Variants in ZNF654 observed in about 807,000 individuals in gnomAD.
The protein encoded by ZNF654 is melanoma-associated antigen.
A neutral mutation model predicts 95.3 loss-of-function variants in ZNF654; 19 were observed. That is an observed-to-expected ratio of 0.20 (90% confidence interval 0.14 to 0.29). The LOEUF is 0.29. Ranked by LOEUF, ZNF654 falls within the 10% of genes least tolerant of loss-of-function variation. The pLI is 1.00. For synonymous variants in ZNF654, 413 were observed against 457.9 expected (o/e 0.90, Z 1.25); for missense variants, 1,046 against 1,341.0 (o/e 0.78, Z 3.44).
At chr3:88,065,552 G>T (rs1156569082) in intron 1 of ZNF654, among the ~76,000 whole-genome samples, 1 of 152,040 alleles carries the variant, frequency 6.6e-6, no homozygotes, top group Non-Finnish European at 1.5e-5. Flanking sequence ...TAAATAAAAA[G>T]ACTGAAATAT....
rs1184835192 is a variant in ZNF654 at position 88,140,803 on chromosome 3, A to G, written c.3134A>G (p.Lys1045Arg). 1 of 1,613,626 alleles carries G rather than the reference A, an allele frequency of 6.2e-7. No homozygotes were observed. The highest frequency in any genetic ancestry group is 8.5e-7 in the Non-Finnish European group (1 of 1,179,728). The change falls in exon 8 of 9, where the codon AAA becomes AGA. Residue 1045 changes from lysine (K) to arginine (R), a missense_variant. By Grantham distance (26) the Lys-to-Arg change is conservative (BLOSUM62 2). Coordinates refer to ENST00000636215, the MANE Select transcript of ZNF654 (RefSeq NM_001350134.2). ...EHTSYGLILT[K>R]PYVRPLPPSY... ...ACTTCATATGGCTTAATTTTAACAA[A>G]ACCATACGTCAGACCATTGCCTCCC...
At chr3:88,071,488 C>CA (rs1707506678) in intron 1 of ZNF654, among the ~76,000 whole-genome samples, 1 of 152,142 alleles carries the variant, frequency 6.6e-6, no homozygotes, top group South Asian at 2.1e-4. Context: ...ACTAAAAATA[C>CA]AAAAAAATTT....
intron 3 of ZNF654, among the ~76,000 whole-genome samples, chr3:88,116,673 T>C (rs963431812): frequency 6.6e-6 from 1 of 151,980 alleles, no homozygotes; most frequent in Admixed American, 6.6e-5. Flanking sequence ...TTCTTCCCAC[T>C]GAGAGAATGA....
intron 6 of ZNF654, among the ~76,000 whole-genome samples, chr3:88,131,219 A>T (rs1706440194): frequency 6.6e-6 from 1 of 152,212 alleles, no homozygotes; most frequent in African/African-American, 2.4e-5. Context: ...AGACATATCT[A>T]AATATAGAAA....
chr3:88,059,268 A>C lies in ZNF654; in HGVS notation c.-52A>C. ...GAGGAGGAGGTTAGCCTAGGCATCT[A>C]CGGCGGCGGCGGCGGCGCAGGGGCT... On this transcript the variant is annotated 5_prime_UTR_variant, in exon 1 of 9. Coordinates refer to ENST00000636215, the MANE Select transcript of ZNF654 (RefSeq NM_001350134.2). The C allele has an allele frequency of 6.5e-7, 1 of 1,531,674 alleles. No individual in the cohort carries two copies. Among genetic ancestry groups the C allele is most frequent in the South Asian group, 1.2e-5 (1 of 83,764 alleles). 94.9% of individuals were successfully genotyped at this position (1,531,674 alleles called of 1,614,324 possible).
At chr3:88,098,516 G>A (rs1209829413) in intron 2 of ZNF654, among the ~76,000 whole-genome samples, 1 of 152,260 alleles carries the variant, frequency 6.6e-6, no homozygotes, top group Middle Eastern at 3.4e-3. Flanking sequence ...AAGCCTGGCA[G>A]AGACACAACA....
intron 3 of ZNF654, among the ~76,000 whole-genome samples, chr3:88,115,006 T>C (rs1029045612): frequency 1.3e-5 from 2 of 152,216 alleles, no homozygotes; most frequent in African/African-American, 4.8e-5. Context: ...CAGTGGTTCT[T>C]CTCCATACAT....
At chr3:88,077,493 C>T (rs1302345743) in intron 1 of ZNF654, among the ~76,000 whole-genome samples, 6 of 99,020 alleles carry the variant, frequency 6.1e-5, no homozygotes, top group Middle Eastern at 4.5e-3. Context: ...CCACCACGCC[C>T]GGCTAATTTT....
chr3:88,105,795 A>G (rs1327590481), intron 2 of ZNF654, among the ~76,000 whole-genome samples: 1 of 151,956 alleles, frequency 6.6e-6, no homozygotes, highest in Non-Finnish European at 1.5e-5. Context: ...TTTTTTTCAT[A>G]TCCTTTGGTA....
At chr3:88,094,417 G>C (rs181935859) in intron 2 of ZNF654, among the ~76,000 whole-genome samples, 2 of 152,160 alleles carry the variant, frequency 1.3e-5, no homozygotes, top group African/African-American at 4.8e-5. Context: ...ATTACTAATT[G>C]GTATATTTCT....
intron 2 of ZNF654, among the ~76,000 whole-genome samples, chr3:88,090,419 A>G (rs1383112090): frequency 6.6e-6 from 1 of 152,296 alleles, no homozygotes. Context: ...AAAAATGGAA[A>G]AAATTTAAAG....
At chr3:88,068,192 T>C (rs1307260169) in intron 1 of ZNF654, among the ~76,000 whole-genome samples, 4 of 151,972 alleles carry the variant, frequency 2.6e-5, no homozygotes, top group Non-Finnish European at 5.9e-5. Flanking sequence ...AGAGTGACCA[T>C]TAGTATGTAC....
At chr3:88,101,359 A>G (rs1310676537) in intron 2 of ZNF654, among the ~76,000 whole-genome samples, 7 of 152,170 alleles carry the variant, frequency 4.6e-5, no homozygotes, top group African/African-American at 1.7e-4. Flanking sequence ...CATTTCATAT[A>G]AATGATATCA....
At chr3:88,093,782 T>C (rs1276895324) in intron 2 of ZNF654, among the ~76,000 whole-genome samples, 1 of 152,230 alleles carries the variant, frequency 6.6e-6, no homozygotes, top group African/African-American at 2.4e-5. Flanking sequence ...AATTTAAGTC[T>C]AGGCTTTCAA....
chr3:88,100,165 G>T (rs1372582118), intron 2 of ZNF654, among the ~76,000 whole-genome samples: 1 of 152,072 alleles, frequency 6.6e-6, no homozygotes, highest in Non-Finnish European at 1.5e-5. Flanking sequence ...GTGGGTGCCG[G>T]ATATGAACAG....
chr3:88,107,559 C>T (rs6787824), intron 2 of ZNF654, among the ~76,000 whole-genome samples: 119,199 of 152,122 alleles, frequency 0.78, 47,622 homozygotes, highest in South Asian at 0.91. Flanking sequence ...GAAAAATTCT[C>T]GTCCAGTTAA....
intron 1 of ZNF654, among the ~76,000 whole-genome samples, chr3:88,075,897 TAAG>T (rs930984512): frequency 6.6e-6 from 1 of 152,156 alleles, no homozygotes; most frequent in African/African-American, 2.4e-5. Context: ...GTATCTGACT[TAAG>T]AAAAAAATCT....
At chr3:88,060,912 T>G (rs1376560630) in intron 1 of ZNF654, among the ~76,000 whole-genome samples, 2 of 152,170 alleles carry the variant, frequency 1.3e-5, no homozygotes. Context: ...AAATTGCCTT[T>G]TGATTTAATG....
chr3:88,140,407 C>G lies in ZNF654; in HGVS notation c.2738C>G (p.Ser913Cys). ...NEKQTISLPV[S>C]TSKSRKESTE... ...AAACAAACTATTAGTCTGCCAGTTT[C>G]TACTAGCAAATCAAGGAAAGAGTCT... Residue 913 changes from serine to cysteine, a missense_variant, in exon 8 of 9, where the codon TCT (serine) becomes TGT (cysteine). By Grantham distance (112) the Ser-to-Cys change is moderately radical (BLOSUM62 -1). Coordinates refer to ENST00000636215, the MANE Select transcript of ZNF654 (RefSeq NM_001350134.2). 6.2e-7 allele frequency: 1 copy of G among 1,613,106 alleles called. No homozygotes were observed. Among genetic ancestry groups the G allele is most frequent in the Non-Finnish European group, 8.5e-7 (1 of 1,179,512 alleles).
Sources: allele counts gnomAD v4.1 joint callset (sites outside exome capture counted in the v4.1 genomes callset), GRCh38; gene constraint gnomAD v4.1.1; transcripts MANE v1.5; gene names NCBI Gene and HGNC (gene_info 2026-07-23, HGNC 2026-07-21).